The following PITPNC1 variants were observed in gnomAD, a reference collection of about 807,000 sequenced individuals.
PITPNC1 encodes the protein cytoplasmic phosphatidylinositol transfer protein 1.
A neutral mutation model predicts 44.7 loss-of-function variants in PITPNC1; 18 were observed. The observed-to-expected ratio is 0.40, with a 90% CI of 0.28 to 0.60. PITPNC1 has a LOEUF of 0.60. Ranked by LOEUF, PITPNC1 falls within the 20% of genes least tolerant of loss-of-function variation. The probability of loss-of-function intolerance (pLI) is 0.39; values close to 1 mark genes in which losing one functional copy is unlikely to be tolerated. For missense variants in PITPNC1, 290 were observed against 418.4 expected, an observed-to-expected ratio of 0.69 and a Z score of 2.68; for synonymous variants, 141 against 149.6, an observed-to-expected ratio of 0.94 and a Z score of 0.42.
intron 8 of PITPNC1, among the ~76,000 whole-genome samples, chr17:67,688,209 A>C (rs1366596816): frequency 6.6e-6 from 1 of 151,378 alleles, no homozygotes; most frequent in African/African-American, 2.4e-5. Context: ...GTGGTGGCGC[A>C]TGCCTGTAAT....
chr17:67,586,337 C>G (rs556337641), intron 5 of PITPNC1, among the ~76,000 whole-genome samples: 1 of 150,604 alleles, frequency 6.6e-6, no homozygotes, highest in Non-Finnish European at 1.5e-5. Context: ...TTTTCCAGCA[C>G]TTTGGGAGGC....
intron 5 of PITPNC1, among the ~76,000 whole-genome samples, chr17:67,593,590 G>A (rs554431278): frequency 4.4e-4 from 67 of 152,240 alleles, no homozygotes; most frequent in African/African-American, 1.6e-3. Context: ...GTAGAGACGA[G>A]GTTTCACCGT....
At chr17:67,515,325 A>G (rs1224397745) in intron 1 of PITPNC1, among the ~76,000 whole-genome samples, 3 of 152,166 alleles carry the variant, frequency 2.0e-5, no homozygotes, top group African/African-American at 7.2e-5. Context: ...AGGGAAGAAG[A>G]TGTGCTGATT....
At chr17:67,657,160 T>TTTTTG (rs3028849) in intron 6 of PITPNC1, among the ~76,000 whole-genome samples, 12,904 of 150,770 alleles carry the variant, frequency 0.086, 693 homozygotes, top group Admixed American at 0.14. Flanking sequence ...ACCCCCGTTT[T>TTTTTG]TTTTGTTTTG....
chr17:67,618,797 G>A (rs566643875), intron 5 of PITPNC1, among the ~76,000 whole-genome samples: 17 of 152,122 alleles, frequency 1.1e-4, no homozygotes, highest in Admixed American at 3.3e-4. Context: ...GGTGGCTCAT[G>A]CCTGTAATCC....
intron 5 of PITPNC1, among the ~76,000 whole-genome samples, chr17:67,593,477 GAACCT>G (rs2041419768): frequency 6.6e-6 from 1 of 151,910 alleles, no homozygotes; most frequent in Non-Finnish European, 1.5e-5. Flanking sequence ...TTGGCTCACT[GAACCT>G]CTGCCTCCAG....
At chr17:67,512,732 AAT>A (rs1384477473) in intron 1 of PITPNC1, among the ~76,000 whole-genome samples, 1 of 152,082 alleles carries the variant, frequency 6.6e-6, no homozygotes, top group African/African-American at 2.4e-5. Flanking sequence ...GTGTTCACTC[AAT>A]ATTTTCCAAT....
chr17:67,604,026 A>T (rs1303250508), intron 5 of PITPNC1, among the ~76,000 whole-genome samples: 1 of 152,200 alleles, frequency 6.6e-6, no homozygotes, highest in Admixed American at 6.5e-5. Context: ...GGAAAGGGAA[A>T]TAAGTCACTC....
In PITPNC1 at chr17:67,659,256, G is replaced by T. The variant is rs539093198; in HGVS notation, c.463-10252G>T. 1.1e-3 allele frequency among the ~76,000 whole-genome samples: 165 copies of T among 152,300 alleles called. 1 individual carries two copies. Among genetic ancestry groups the T allele is most frequent in the African/African-American group, 3.5e-3 (145 of 41,558 alleles). On this transcript the variant is annotated intron_variant, in intron 6 of 8. Transcript: ENST00000581322. ...TGGCTTAAAACAATGAGAGTGCATT[G>T]TTTCTCACAATTCTGCACTCTTGAC... is the stretch of plus-strand genomic sequence containing the variant.
At chr17:67,583,862 ATT>A (rs769634072) in intron 5 of PITPNC1, among the ~76,000 whole-genome samples, 8,902 of 123,546 alleles carry the variant, frequency 0.072, 361 homozygotes, top group South Asian at 0.12. Context: ...CGCCTGGCTA[ATT>A]TTGTGTGTGT....
intron 1 of PITPNC1, among the ~76,000 whole-genome samples, chr17:67,505,969 C>T (rs780516617): frequency 6.6e-6 from 1 of 152,178 alleles, no homozygotes; most frequent in African/African-American, 2.4e-5. Context: ...GCTATCAAGC[C>T]TTGTGAGACG....
rs116961152 is a variant in PITPNC1, at chr17:67,474,101, G to A, written c.49-58701G>A. 6.3e-4 allele frequency among the ~76,000 whole-genome samples: 96 copies of A among 152,262 alleles called. 1 individual carries two copies. The East Asian group carries it at 0.011, about 17-fold the overall frequency. On this transcript the variant is annotated intron_variant, in intron 1 of 8. Coordinates refer to ENST00000581322, the MANE Select transcript of PITPNC1 (RefSeq NM_012417.4). ...CAGGTAGCAGGAGGTGTGGGGAGGAGGAGCATAGATGCTGGGGGAGGAATG... is the reference window on the plus strand; with the variant it reads ...CAGGTAGCAGGAGGTGTGGGGAGGAAGAGCATAGATGCTGGGGGAGGAATG...
At chr17:67,417,165 C>T (rs2038601521) in intron 1 of PITPNC1, among the ~76,000 whole-genome samples, 1 of 151,894 alleles carries the variant, frequency 6.6e-6, no homozygotes, top group Non-Finnish European at 1.5e-5. Context: ...TGGTTTTGCT[C>T]TTGTCACCCA....
At chr17:67,641,418 AC>A (rs879786470) in intron 6 of PITPNC1, among the ~76,000 whole-genome samples, 3 of 152,326 alleles carry the variant, frequency 2.0e-5, no homozygotes, top group Non-Finnish European at 2.9e-5. Context: ...CCATCTCGCA[AC>A]ATGCATTATT....
At chr17:67,499,367 A>C (rs1333879015) in intron 1 of PITPNC1, among the ~76,000 whole-genome samples, 3 of 151,790 alleles carry the variant, frequency 2.0e-5, no homozygotes, top group Non-Finnish European at 2.9e-5. Flanking sequence ...GGCAAGTGCC[A>C]CCATGCCCGT....
At chr17:67,689,071 G>T (rs557478064) in intron 8 of PITPNC1, among the ~76,000 whole-genome samples, 2 of 151,930 alleles carry the variant, frequency 1.3e-5, no homozygotes, top group Non-Finnish European at 2.9e-5. Flanking sequence ...GCGTGGTGGC[G>T]CATGCCTGTA....
chr17:67,439,246 A>G (rs559897530), intron 1 of PITPNC1, among the ~76,000 whole-genome samples: 6 of 152,236 alleles, frequency 3.9e-5, no homozygotes, highest in African/African-American at 1.4e-4. Context: ...ATTTTATTTT[A>G]TTTTACCAAG....
intron 2 of PITPNC1, among the ~76,000 whole-genome samples, chr17:67,537,391 G>A (rs2144136640): frequency 6.6e-6 from 1 of 152,024 alleles, no homozygotes; most frequent in South Asian, 2.1e-4. Context: ...AAAATCCACA[G>A]CATTATTATA....
chr17:67,621,530 T>C (rs913388980), intron 5 of PITPNC1, among the ~76,000 whole-genome samples: 1 of 152,150 alleles, frequency 6.6e-6, no homozygotes, highest in Non-Finnish European at 1.5e-5. Flanking sequence ...TTTAGTACTT[T>C]AGTAATATAT....
Sources: gnomAD v4.1 joint callset for allele counts (sites outside exome capture counted in the v4.1 genomes callset) on GRCh38, gnomAD v4.1.1 for gene constraint, MANE v1.5 for transcripts, NCBI Gene and HGNC (gene_info 2026-07-23, HGNC 2026-07-21) for gene names.